HSPA12A: variants seen among roughly 807,000 people sequenced by gnomAD.
The protein encoded by HSPA12A is heat shock protein family A (Hsp70) member 12A.
Under a neutral mutation model 69.2 loss-of-function variants are expected in HSPA12A, and 28 were observed. That is an observed-to-expected ratio of 0.40 (90% confidence interval 0.30 to 0.55). The LOEUF (loss-of-function observed/expected upper bound fraction) is 0.55. Among genes scored for constraint, HSPA12A ranks in the 20% least tolerant of loss-of-function variants. HSPA12A has a pLI of 0.38. For missense variants in HSPA12A, 686 were observed against 900.7 expected (o/e 0.76, Z 3.05); for synonymous variants, 345 against 370.5 (o/e 0.93, Z 0.79).
At chr10:116,713,406 C>T (rs1398419950) in intron 1 of HSPA12A, among the ~76,000 whole-genome samples, 6 of 152,138 alleles carry the variant, frequency 3.9e-5, no homozygotes, top group Non-Finnish European at 5.9e-5. Context: ...AAAATAACCA[C>T]TCTGCAAATG....
intron 2 of HSPA12A, among the ~76,000 whole-genome samples, chr10:116,754,383 T>G (rs1843782975): frequency 6.6e-6 from 1 of 152,228 alleles, no homozygotes; most frequent in Non-Finnish European, 1.5e-5. Context: ...GTTTCCTATT[T>G]TGTCCAGTAT....
intron 2 of HSPA12A, among the ~76,000 whole-genome samples, chr10:116,784,367 T>C (rs1009936356): frequency 1.3e-5 from 2 of 152,252 alleles, no homozygotes; most frequent in Non-Finnish European, 2.9e-5. Context: ...GTCCATTGCC[T>C]GATTTCTCTG....
At position 116,700,860 on chromosome 10, in the gene HSPA12A, G is replaced by A. The variant is rs1850058407; in HGVS notation, c.441+83C>T. On this transcript the variant is annotated intron_variant, in intron 4 of 11. Coordinates refer to ENST00000369209, the MANE Select transcript of HSPA12A (RefSeq NM_025015.3). ...ACCAGAGGGCCCCCTGGGTTGGGAG[G>A]ACATCCCTTCCCCACCCCAAGGCTG... The A allele has an allele frequency of 5.0e-6, 7 of 1,391,708 alleles. No individual in the cohort carries two copies. The Admixed American group carries it at 5.7e-5, about 11-fold the overall frequency. The allele number at this position is 1,391,708 out of a possible 1,614,324, so 86.2% of individuals were successfully genotyped here.
intron 2 of HSPA12A, among the ~76,000 whole-genome samples, chr10:116,762,490 T>C (rs1395049004): frequency 6.6e-6 from 1 of 152,048 alleles, no homozygotes; most frequent in African/African-American, 2.4e-5. Context: ...ACCCTCCTAC[T>C]CCACATCCTC....
chr10:116,798,627 G>A (rs917503046), intron 2 of HSPA12A, among the ~76,000 whole-genome samples: 4 of 152,088 alleles, frequency 2.6e-5, no homozygotes, highest in Admixed American at 2.0e-4. Flanking sequence ...CTCAGGCCCT[G>A]ACCCACCTCT....
At chr10:116,842,243 A>G (rs1439774308) in intron 1 of HSPA12A, among the ~76,000 whole-genome samples, 15 of 152,238 alleles carry the variant, frequency 9.9e-5, no homozygotes, top group Admixed American at 9.8e-4. Flanking sequence ...GGGGCCAGGA[A>G]GCAAACCCAA....
At chr10:116,798,961 G>A (rs918340559) in intron 2 of HSPA12A, among the ~76,000 whole-genome samples, 21 of 152,004 alleles carry the variant, frequency 1.4e-4, no homozygotes, top group South Asian at 4.2e-4. Flanking sequence ...GACATCCTCC[G>A]CAGCCTGGGC....
upstream of HSPA12A, among the ~76,000 whole-genome samples, chr10:116,744,072 C>T (rs971179562): frequency 6.6e-6 from 1 of 152,178 alleles, no homozygotes; most frequent in African/African-American, 2.4e-5. Context: ...GCCCACAGCT[C>T]CCCCGCCCTC....
chr10:116,814,410 T>C (rs181148317), intron 2 of HSPA12A, among the ~76,000 whole-genome samples: 1 of 152,320 alleles, frequency 6.6e-6, no homozygotes, highest in East Asian at 1.9e-4. Context: ...TTCCCTTATC[T>C]TTGCTCACCT....
intron 2 of HSPA12A, among the ~76,000 whole-genome samples, chr10:116,779,421 G>A (rs75050307): frequency 5.9e-5 from 9 of 152,318 alleles, no homozygotes; most frequent in African/African-American, 2.2e-4. Context: ...CCTCAGGGCT[G>A]TGGCCCCTCC....
At chr10:116,751,195 C>A in intron 2 of HSPA12A, 1 of 241,896 alleles carries the variant, frequency 4.1e-6, no homozygotes, top group South Asian at 7.0e-5. Context: ...GTCCCTTGCT[C>A]AGAAGAAAGA....
chr10:116,824,762 T>A (rs1425459061), intron 2 of HSPA12A, among the ~76,000 whole-genome samples: 1 of 152,180 alleles, frequency 6.6e-6, no homozygotes, highest in Non-Finnish European at 1.5e-5. Flanking sequence ...GCCTCCTGAG[T>A]AGCTGGGACT....
At chr10:116,804,121 C>A (rs534400275) in intron 2 of HSPA12A, among the ~76,000 whole-genome samples, 1 of 152,156 alleles carries the variant, frequency 6.6e-6, no homozygotes. Context: ...TTGCTTCCCT[C>A]CCTCCCTCTT....
At chr10:116,728,122 T>C (rs1554885281) in intron 1 of HSPA12A, among the ~76,000 whole-genome samples, 1 of 152,038 alleles carries the variant, frequency 6.6e-6, no homozygotes, top group African/African-American at 2.4e-5. Flanking sequence ...TTTGTATTTT[T>C]AGTAGAGACA....
At chr10:116,715,458 A>T (rs1326821573) in intron 1 of HSPA12A, among the ~76,000 whole-genome samples, 1 of 152,222 alleles carries the variant, frequency 6.6e-6, no homozygotes, top group African/African-American at 2.4e-5. Flanking sequence ...CATAATTTTT[A>T]AAAGAGCCCT....
chr10:116,699,635 T>C (rs1172777858), intron 4 of HSPA12A, among the ~76,000 whole-genome samples: 1 of 152,132 alleles, frequency 6.6e-6, no homozygotes, highest in Non-Finnish European at 1.5e-5. Flanking sequence ...ACTTGCTCAC[T>C]CCTCCCAGCC....
chr10:116,845,516 T>C, intron 1 of HSPA12A, among the ~76,000 whole-genome samples: 1 of 152,164 alleles, frequency 6.6e-6, no homozygotes, highest in South Asian at 2.1e-4. Flanking sequence ...CTCTCTCTAA[T>C]ATCATTTCCT....
At chr10:116,839,855 G>A (rs1005402182) in intron 1 of HSPA12A, among the ~76,000 whole-genome samples, 2 of 151,852 alleles carry the variant, frequency 1.3e-5, no homozygotes, top group Admixed American at 6.6e-5. Flanking sequence ...ACAGACGTGT[G>A]TGCAATGTTT....
chr10:116,726,521 C>A (rs1435319706), intron 1 of HSPA12A, among the ~76,000 whole-genome samples: 1 of 151,952 alleles, frequency 6.6e-6, no homozygotes, highest in African/African-American at 2.4e-5. Flanking sequence ...TCACTACCTA[C>A]CACCCCCCTT....
Sources: gnomAD v4.1 joint callset for allele counts (sites outside exome capture counted in the v4.1 genomes callset) on GRCh38, gnomAD v4.1.1 for gene constraint, MANE v1.5 for transcripts, NCBI Gene and HGNC (gene_info 2026-07-23, HGNC 2026-07-21) for gene names.